The following OR10R2 variants were observed in gnomAD, a reference collection of about 807,000 sequenced individuals.
OR10R2 encodes olfactory receptor family 10 subfamily R member 2, also known as olfactory receptor 10R2.
Under a neutral mutation model 2.4 loss-of-function variants are expected in OR10R2, and 1 was observed. The observed-to-expected ratio is 0.41, with a 90% CI of 0.15 to 1.95. The LOEUF is 1.95. OR10R2 is among the 30% of genes most tolerant of loss of function. The probability of loss-of-function intolerance (pLI) is 0.30; values close to 1 mark genes in which losing one functional copy is unlikely to be tolerated. For synonymous variants in OR10R2, 166 were observed against 144.8 expected (o/e 1.15, Z -1.05); for missense variants, 419 against 373.0 (o/e 1.12, Z -1.01).
exon 2 of OR10R2, chr1:158,480,760 A>T (rs1231722654): frequency 6.2e-7 from 1 of 1,613,682 alleles, no homozygotes; most frequent in South Asian, 1.1e-5. Flanking sequence ...CAGGCTGGTG[A>T]CGGTGACATA....
chr1:158,475,727 C>T (rs944993084), intron 1 of OR10R2, among the ~76,000 whole-genome samples: 1 of 151,434 alleles, frequency 6.6e-6, no homozygotes, highest in African/African-American at 2.4e-5. Context: ...TTATTTTACA[C>T]CAATTGTTGC....
At chr1:158,473,327 A>G (rs1193473228) in intron 1 of OR10R2, among the ~76,000 whole-genome samples, 1 of 152,218 alleles carries the variant, frequency 6.6e-6, no homozygotes, top group Non-Finnish European at 1.5e-5. Flanking sequence ...CTTAAATTGT[A>G]CCAGGTAAGA....
chr1:158,479,768 G>A, intron 1 of OR10R2, 170 bp from the exon 2 acceptor site: 1 of 660,282 alleles, frequency 1.5e-6, no homozygotes, highest in Non-Finnish European at 2.7e-6. Context: ...CTTTGAAGAT[G>A]GAAGAAGAGG....
intron 1 of OR10R2, 59 bp from the exon 2 acceptor site, chr1:158,479,879 T>C: frequency 6.3e-7 from 1 of 1,588,392 alleles, no homozygotes; most frequent in South Asian, 1.1e-5. Flanking sequence ...AAGGAGTGCA[T>C]GCCCCAAATT....
intron 1 of OR10R2, among the ~76,000 whole-genome samples, chr1:158,477,829 C>A (rs1253361386): frequency 1.3e-5 from 2 of 151,896 alleles, no homozygotes; most frequent in Non-Finnish European, 2.9e-5. Context: ...ACCAAAAAAG[C>A]CCTCAAATAG....
intron 1 of OR10R2, among the ~76,000 whole-genome samples, chr1:158,475,096 AAATT>A (rs563087104): frequency 2.0e-3 from 312 of 152,250 alleles, no homozygotes; most frequent in Non-Finnish European, 3.2e-3. Flanking sequence ...GAGGTTAAAT[AAATT>A]GTCTAAGGTT....
intron 1 of OR10R2, among the ~76,000 whole-genome samples, chr1:158,476,118 ACC>A (rs1656262730): frequency 6.6e-6 from 1 of 152,010 alleles, no homozygotes; most frequent in Non-Finnish European, 1.5e-5. Context: ...TTTCCCTTTG[ACC>A]CAACACTTGT....
chr1:158,477,062 C>T (rs1393747813), intron 1 of OR10R2, among the ~76,000 whole-genome samples: 1 of 151,676 alleles, frequency 6.6e-6, no homozygotes, highest in Non-Finnish European at 1.5e-5. Context: ...AAATGTAATT[C>T]ATGACATAAA....
At chr1:158,472,637 G>T (rs951107974) in intron 1 of OR10R2, among the ~76,000 whole-genome samples, 1 of 152,166 alleles carries the variant, frequency 6.6e-6, no homozygotes, top group Admixed American at 6.5e-5. Context: ...AAAGATGTTA[G>T]CTAGTTATGC....
At chr1:158,477,807 A>C (rs560270994) in intron 1 of OR10R2, among the ~76,000 whole-genome samples, 174 of 152,270 alleles carry the variant, frequency 1.1e-3, no homozygotes, top group Middle Eastern at 3.4e-3. Context: ...ACTATTATAA[A>C]ATTCATATGA....
At chr1:158,473,813 CCCTCCTTCCCTCTTTCCCTCTCTGCTT>C in intron 1 of OR10R2, among the ~76,000 whole-genome samples, 5 of 134,254 alleles carry the variant, frequency 3.7e-5, no homozygotes, top group South Asian at 2.4e-4. Context: ...CTTCCTTCCT[CCCTCCTTCCCTCTTTCCCTCTCTGCTT>C]CCTCCCTCCC....
In OR10R2 at chr1:158,473,757, ATCCTTCCTTCCT is replaced by A. The variant is rs1254061850; in HGVS notation, c.27+1414_27+1425del. On this transcript the variant is annotated intron_variant, in intron 1 of 1. Coordinates refer to ENST00000641067, the Ensembl canonical transcript of OR10R2. ...TCCTTCCCTTTCCCTCCCTTTCTTT[ATCCTTCCTTCCT>A]TCCTTCCTCCCTCCTTCCCTCTTTC... 3.1e-3 allele frequency among the ~76,000 whole-genome samples: 54 copies of A among 17,420 alleles called. 3 individuals are homozygous for A. The highest frequency in any genetic ancestry group is 0.015 in the African/African-American group (48 of 3,272). 11.4% of individuals were successfully genotyped at this position (17,420 alleles called of 152,430 possible).
At chr1:158,480,838 A>C in exon 2 of OR10R2, 1 of 1,594,112 alleles carries the variant, frequency 6.3e-7, no homozygotes, top group Non-Finnish European at 8.5e-7. Context: ...CCAACTTGCT[A>C]TCAGAAAAGT....
rs1272036900 is a variant in OR10R2, at chr1:158,472,281, A to T, written c.-45A>T. On this transcript the variant is annotated 5_prime_UTR_variant, in exon 1 of 2. Coordinates refer to ENST00000641067, the Ensembl canonical transcript of OR10R2. ...ACCAGAAAAAAAGCTCCTTAATTAT[A>T]CTCATTAGGCCTGTAGCTGATCCAG... The T allele has an allele frequency of 1.3e-5, 5 of 398,886 alleles. 1 individual carries two copies. The highest frequency in any genetic ancestry group is 7.1e-5 in the East Asian group (2 of 28,060). 24.7% of individuals were successfully genotyped at this position (398,886 alleles called of 1,614,324 possible). A position where few individuals can be genotyped will look rare whatever the true frequency, so the allele number is the denominator to read the frequency against.
chr1:158,473,583 A>C (rs1249059504), intron 1 of OR10R2, among the ~76,000 whole-genome samples: 1 of 152,236 alleles, frequency 6.6e-6, no homozygotes, highest in East Asian at 1.9e-4. Flanking sequence ...GTTATAAGAC[A>C]TGGCTCTTTG....
chr1:158,477,271 A>G (rs1404893785), intron 1 of OR10R2, among the ~76,000 whole-genome samples: 1 of 152,186 alleles, frequency 6.6e-6, no homozygotes, highest in Non-Finnish European at 1.5e-5. Flanking sequence ...TTGAGAACTG[A>G]AACAACACAA....
intron 1 of OR10R2, chr1:158,474,604 A>G (rs1338594911): frequency 6.6e-6 from 1 of 152,214 alleles, no homozygotes; most frequent in Non-Finnish European, 1.5e-5. Context: ...TTCATTCTCC[A>G]ATAAAGATGT....
At chr1:158,472,457 A>T in intron 1 of OR10R2, 105 bp downstream of exon 1, 1 of 398,142 alleles carries the variant, frequency 2.5e-6, no homozygotes, top group Non-Finnish European at 4.4e-6. Context: ...ATTTTTCCTT[A>T]AAGGGCCTGG....
At chr1:158,476,344 G>C (rs1348344388) in intron 1 of OR10R2, among the ~76,000 whole-genome samples, 1 of 151,780 alleles carries the variant, frequency 6.6e-6, no homozygotes, top group Non-Finnish European at 1.5e-5. Context: ...TCAGGAGATC[G>C]AGATCATCCT....
Sources: allele counts gnomAD v4.1 joint callset (sites outside exome capture counted in the v4.1 genomes callset), GRCh38; gene constraint gnomAD v4.1.1; transcripts MANE v1.5; gene names NCBI Gene and HGNC (gene_info 2026-07-23, HGNC 2026-07-21).